TAFA5: variants seen among roughly 807,000 people sequenced by gnomAD.
TAFA5 encodes chemokine-like protein TAFA-5.
In TAFA5, 6 loss-of-function variants were observed where a neutral mutation model predicts 15.3. The observed-to-expected ratio is 0.39, with a 90% confidence interval of 0.21 to 0.77. The LOEUF is 0.77. Ranked by LOEUF, TAFA5 falls within the 30% of genes least tolerant of loss-of-function variation. TAFA5 has a pLI of 0.41. For synonymous variants in TAFA5, 103 were observed against 80.7 expected (o/e 1.28, Z -1.48); for missense variants, 161 against 193.1 (o/e 0.83, Z 0.98).
intron 1 of TAFA5, among the ~76,000 whole-genome samples, chr22:48,514,407 T>G (rs183726078): frequency 2.1e-3 from 324 of 152,296 alleles, no homozygotes; most frequent in Non-Finnish European, 3.6e-3. Flanking sequence ...CTTCATAGAT[T>G]TAATTTTGGT....
intron 1 of TAFA5, among the ~76,000 whole-genome samples, chr22:48,501,560 G>T (rs755975350): frequency 1.3e-5 from 2 of 151,546 alleles, no homozygotes; most frequent in Non-Finnish European, 2.9e-5. Flanking sequence ...GGGGGTGCCC[G>T]GGGAGAGATA....
chr22:48,586,306 C>T (rs925375052), intron 1 of TAFA5, among the ~76,000 whole-genome samples: 1 of 152,290 alleles, frequency 6.6e-6, no homozygotes, highest in African/African-American at 2.4e-5. Context: ...CTGCAGGCTG[C>T]ATCACCCGTC....
At chr22:48,734,440 G>A (rs994299498) in intron 3 of TAFA5, among the ~76,000 whole-genome samples, 1 of 152,214 alleles carries the variant, frequency 6.6e-6, no homozygotes, top group African/African-American at 2.4e-5. Context: ...AGTCTCGGGC[G>A]TCAAAGACTT....
intron 1 of TAFA5, among the ~76,000 whole-genome samples, chr22:48,626,184 G>A (rs1003702977): frequency 2.0e-5 from 3 of 152,212 alleles, no homozygotes; most frequent in Non-Finnish European, 4.4e-5. Flanking sequence ...GTGGGCAGAA[G>A]TTTTCAAATC....
chr22:48,746,034 C>G (rs1014799662), intron 3 of TAFA5, among the ~76,000 whole-genome samples: 1 of 152,134 alleles, frequency 6.6e-6, no homozygotes, highest in Non-Finnish European at 1.5e-5. Flanking sequence ...CAGGAGACAG[C>G]GATGGGCTGG....
chr22:48,522,666 A>T (rs1050923444), intron 1 of TAFA5, among the ~76,000 whole-genome samples: 2 of 152,126 alleles, frequency 1.3e-5, no homozygotes, highest in Non-Finnish European at 2.9e-5. Context: ...TTCCCTTCAC[A>T]GCCCAGGCCA....
chr22:48,646,871 C>T, intron 2 of TAFA5, 125 bp downstream of exon 2: 1 of 1,242,856 alleles, frequency 8.0e-7, no homozygotes, highest in Non-Finnish European at 1.1e-6. Context: ...CGGGTCAGGC[C>T]CCTGGCTGTT....
chr22:48,739,100 C>T (rs188208184), intron 3 of TAFA5, among the ~76,000 whole-genome samples: 233 of 152,300 alleles, frequency 1.5e-3, no homozygotes, highest in African/African-American at 4.9e-3. Flanking sequence ...CAAACTGCAG[C>T]CCACCACTAC....
chr22:48,560,575 T>C lies in TAFA5; in HGVS notation c.112+70871T>C, dbSNP rs561768744. Among the ~76,000 whole-genome samples, 114 of 81,712 alleles carry C rather than the reference T, an allele frequency of 1.4e-3. No individual in the cohort carries two copies. In the East Asian group the frequency reaches 0.033, roughly 24 times the overall value. 53.6% of individuals were successfully genotyped at this position (81,712 alleles called of 152,430 possible). A position where few individuals can be genotyped will look rare whatever the true frequency, so the allele number is the denominator to read the frequency against. ...CATGAAAAACGTTGTATTTTATTAT[T>C]ATTATTATTATTATTATATTATTAT... On this transcript the variant is annotated intron_variant, in intron 1 of 3. Coordinates refer to ENST00000402357, the MANE Select transcript of TAFA5 (RefSeq NM_001082967.3). The surrounding 1 kb of genome is among the most constrained non-coding windows in gnomAD (Gnocchi z 4.2).
chr22:48,542,154 TGGGG>T (rs398121894), intron 1 of TAFA5, among the ~76,000 whole-genome samples: 4 of 104,790 alleles, frequency 3.8e-5, no homozygotes, highest in African/African-American at 1.0e-4. Context: ...TGTGTGGGTG[TGGGG>T]GGTGTGTGTG....
chr22:48,616,918 C>T (rs1050050136), intron 1 of TAFA5, among the ~76,000 whole-genome samples: 1 of 152,036 alleles, frequency 6.6e-6, no homozygotes, highest in Non-Finnish European at 1.5e-5. Flanking sequence ...GGTGTCCAGT[C>T]TCCTTGGTGG....
At position 48,566,546 on chromosome 22, in the gene TAFA5, G is replaced by A. The variant is rs1402551268; in HGVS notation, c.112+76842G>A. Among the ~76,000 whole-genome samples, 1 of 152,176 alleles carries A rather than the reference G, an allele frequency of 6.6e-6. No homozygotes were observed. Among genetic ancestry groups the A allele is most frequent in the African/African-American group, 2.4e-5 (1 of 41,440 alleles). On this transcript the variant is annotated intron_variant, in intron 1 of 3. Transcript: ENST00000402357. This position sits in a 1 kb window ranked among gnomAD's most constrained non-coding sequence, Gnocchi z 4.5. ...AGTGGAAAGATGAAGGGGCCTATGA[G>A]GATGTTTGGCCTCTTTAGGGAGGTA...
chr22:48,658,368 T>C (rs953404804), intron 2 of TAFA5, among the ~76,000 whole-genome samples: 1 of 152,228 alleles, frequency 6.6e-6, no homozygotes, highest in African/African-American at 2.4e-5. Context: ...TGCTTGTCCA[T>C]GGCAGACGCC....
intron 2 of TAFA5, among the ~76,000 whole-genome samples, chr22:48,660,520 CA>C (rs1384567436): frequency 2.0e-5 from 3 of 152,240 alleles, no homozygotes; most frequent in Non-Finnish European, 4.4e-5. Context: ...CCCCTAGAGA[CA>C]ATTCTTTCCA....
At chr22:48,629,160 A>G (rs1361311932) in intron 1 of TAFA5, among the ~76,000 whole-genome samples, 6 of 152,014 alleles carry the variant, frequency 3.9e-5, no homozygotes, top group Non-Finnish European at 8.8e-5. Flanking sequence ...CACTTCAGCA[A>G]TGCTTGCTTG....
chr22:48,624,773 T>C (rs1925970054), intron 1 of TAFA5, among the ~76,000 whole-genome samples: 1 of 151,808 alleles, frequency 6.6e-6, no homozygotes, highest in African/African-American at 2.4e-5. Flanking sequence ...CCCCAGGGAG[T>C]GTGGGTTTCT....
chr22:48,685,983 TGCGCCCCGGGAGTACACGCAGGCCCCAC>T, intron 2 of TAFA5, among the ~76,000 whole-genome samples: 1 of 149,518 alleles, frequency 6.7e-6, no homozygotes, highest in African/African-American at 2.6e-5. Flanking sequence ...AGGCCCCACG[TGCGCCCCGGGAGTACACGCAGGCCCCAC>T]GTGTGCCCCG....
At chr22:48,698,373 A>G (rs967826684) in intron 2 of TAFA5, among the ~76,000 whole-genome samples, 2 of 147,630 alleles carry the variant, frequency 1.4e-5, no homozygotes, top group Admixed American at 6.8e-5. Flanking sequence ...AGGCCAAGGG[A>G]AGGGAATCAG....
chr22:48,685,247 C>T (rs58277496), intron 2 of TAFA5, among the ~76,000 whole-genome samples: 1 of 152,144 alleles, frequency 6.6e-6, no homozygotes, highest in African/African-American at 2.4e-5. Context: ...ATGGAAGCCA[C>T]AGTTCTTATT....
Sources: allele counts gnomAD v4.1 joint callset (sites outside exome capture counted in the v4.1 genomes callset), GRCh38; gene constraint gnomAD v4.1.1; non-coding constraint Gnocchi (gnomAD v3.1); transcripts MANE v1.5; gene names NCBI Gene and HGNC (gene_info 2026-07-23, HGNC 2026-07-21).